MOB1B: variants seen among roughly 807,000 people sequenced by gnomAD.
The protein encoded by MOB1B is MOB1 Mps One Binder homolog B.
Under a neutral mutation model 24.4 loss-of-function variants are expected in MOB1B, and 19 were observed. The ratio of observed to expected loss-of-function variants is 0.78; its 90% CI spans 0.54 to 1.14. The LOEUF (loss-of-function observed/expected upper bound fraction) is 1.14. Among genes scored for constraint, MOB1B ranks in the 50% most tolerant of loss-of-function variants. The pLI is 0.00. For synonymous variants in MOB1B, 76 were observed against 82.1 expected, an observed-to-expected ratio of 0.93 and a Z score of 0.40; for missense variants, 243 against 259.6, an observed-to-expected ratio of 0.94 and a Z score of 0.44.
intron 1 of MOB1B, among the ~76,000 whole-genome samples, chr4:70,909,344 A>T (rs960326472): frequency 1.3e-5 from 2 of 151,980 alleles, no homozygotes; most frequent in Admixed American, 1.3e-4. Context: ...TTAATAATTT[A>T]TAAGAATAAT....
chr4:70,907,824 TA>T (rs942733743), intron 1 of MOB1B, among the ~76,000 whole-genome samples: 17 of 151,934 alleles, frequency 1.1e-4, no homozygotes, highest in Non-Finnish European at 2.2e-4. Context: ...AAAAATAATT[TA>T]AAAAGAGACT....
chr4:70,962,390 C>T (rs1738340853), intron 2 of MOB1B, among the ~76,000 whole-genome samples: 1 of 152,084 alleles, frequency 6.6e-6, no homozygotes. Context: ...GACCAGTGGT[C>T]CATATAAATA....
In MOB1B at chr4:70,981,144, A is replaced by G. The variant is rs28655796; in HGVS notation, c.574-836A>G. On this transcript the variant is annotated intron_variant, in intron 5 of 5. Transcript: ENST00000309395. ...AAATTTAGTAATTTAGTCATATGAT[A>G]TATACCCATTTGTGTTTTTGGCCCA... 3.3e-4 allele frequency among the ~76,000 whole-genome samples: 51 copies of G among 152,338 alleles called. 1 individual carries two copies. Among genetic ancestry groups the G allele is most frequent in the African/African-American group, 1.1e-3 (46 of 41,578 alleles).
chr4:70,936,381 C>T (rs1737085528), intron 1 of MOB1B, among the ~76,000 whole-genome samples: 1 of 152,134 alleles, frequency 6.6e-6, no homozygotes, highest in Non-Finnish European at 1.5e-5. Flanking sequence ...TGCAAATCCT[C>T]AAACCCAAAC....
chr4:70,954,117 A>T (rs1359206044), intron 1 of MOB1B, among the ~76,000 whole-genome samples: 1 of 152,192 alleles, frequency 6.6e-6, no homozygotes, highest in South Asian at 2.1e-4. Context: ...GATGTGTGAC[A>T]GTTATTTCTT....
intron 2 of MOB1B, among the ~76,000 whole-genome samples, chr4:70,965,224 G>A (rs1738465633): frequency 6.8e-6 from 1 of 146,236 alleles, no homozygotes; most frequent in Non-Finnish European, 1.5e-5. Context: ...TTGAACCTGG[G>A]AGGCAGAGGT....
intron 1 of MOB1B, among the ~76,000 whole-genome samples, chr4:70,904,130 G>A (rs1384277824): frequency 1.3e-5 from 2 of 151,240 alleles, no homozygotes; most frequent in South Asian, 2.1e-4. Context: ...CTACAGGCCC[G>A]CGCCACCACG....
intron 1 of MOB1B, among the ~76,000 whole-genome samples, chr4:70,910,187 T>C (rs139298879): frequency 1.1e-3 from 168 of 151,604 alleles, no homozygotes; most frequent in African/African-American, 4.0e-3. Flanking sequence ...ACTACAGGCG[T>C]GTGCCACCAT....
intron 1 of MOB1B, among the ~76,000 whole-genome samples, chr4:70,917,904 C>G (rs948200391): frequency 4.0e-5 from 6 of 151,706 alleles, no homozygotes; most frequent in African/African-American, 1.5e-4. Context: ...GAAAATTGGA[C>G]AAAGTATTTT....
chr4:70,953,491 GAAGAGA>G (rs1356534777), intron 1 of MOB1B, among the ~76,000 whole-genome samples: 1 of 152,176 alleles, frequency 6.6e-6, no homozygotes, highest in African/African-American at 2.4e-5. Context: ...GAGGAACGGA[GAAGAGA>G]GTCAAGAGGC....
intron 1 of MOB1B, among the ~76,000 whole-genome samples, chr4:70,952,974 GC>G (rs1655024809): frequency 8.4e-6 from 1 of 119,030 alleles, no homozygotes; most frequent in Admixed American, 1.2e-4. Flanking sequence ...TTGGAGTCTC[GC>G]CCTGTCGCCC....
rs1050413435 is a variant in MOB1B, at chr4:70,987,886, C to T, written c.*5829C>T. The T allele has an allele frequency of 2.6e-5, 4 of 152,578 alleles. No individual in the cohort carries two copies. Among genetic ancestry groups the T allele is most frequent in the Non-Finnish European group, 4.4e-5 (3 of 68,002 alleles). The allele number at this position is 152,578 out of a possible 1,614,324, so 9.5% of individuals were successfully genotyped here. On this transcript the variant is annotated 3_prime_UTR_variant, in exon 6 of 6. Coordinates refer to ENST00000309395, the MANE Select transcript of MOB1B (RefSeq NM_173468.4). Reference sequence around the variant, plus strand: ...AAGTAACTAGAAGGGGAAAAATCATCTAAGTTATGAAATCCAACATAGGCG... The same window carrying T: ...AAGTAACTAGAAGGGGAAAAATCATTTAAGTTATGAAATCCAACATAGGCG...
Position 70,902,534 on chromosome 4 carries a change from A to G in MOB1B, c.-3A>G, listed in dbSNP as rs748591095. The G allele has an allele frequency of 1.9e-6, 3 of 1,565,436 alleles. No homozygotes were observed. The highest frequency in any genetic ancestry group is 2.6e-6 in the Non-Finnish European group (3 of 1,155,780). On this transcript the variant is annotated 5_prime_UTR_variant, in exon 1 of 6. Transcript: ENST00000309395. ...CGAGCCTGCAGCCTGCCCCGCGGCCAACATGAGCTTCTTGTTGTGAGTAGC... is the reference window on the plus strand; with the variant it reads ...CGAGCCTGCAGCCTGCCCCGCGGCCGACATGAGCTTCTTGTTGTGAGTAGC...
chr4:70,916,661 G>C, intron 1 of MOB1B, among the ~76,000 whole-genome samples: 1 of 152,136 alleles, frequency 6.6e-6, no homozygotes, highest in South Asian at 2.1e-4. Flanking sequence ...TCTGCCTCCC[G>C]GGTTCAAGCA....
At chr4:70,922,737 C>G (rs757876104) in intron 1 of MOB1B, among the ~76,000 whole-genome samples, 1 of 152,184 alleles carries the variant, frequency 6.6e-6, no homozygotes, top group African/African-American at 2.4e-5. Context: ...AGTTATACTT[C>G]TAAGTCACGT....
At chr4:70,924,785 C>T (rs968425614) in intron 1 of MOB1B, among the ~76,000 whole-genome samples, 1 of 152,166 alleles carries the variant, frequency 6.6e-6, no homozygotes, top group Admixed American at 6.5e-5. Flanking sequence ...ATGATGTCTT[C>T]CAGCTTCATC....
At chr4:70,966,478 G>C (rs1302148252) in intron 2 of MOB1B, among the ~76,000 whole-genome samples, 2 of 151,772 alleles carry the variant, frequency 1.3e-5, no homozygotes, top group South Asian at 2.1e-4. Flanking sequence ...AGGTTCAAGC[G>C]GTTCTCTTGC....
At chr4:70,902,342 T>G, upstream of MOB1B, 1 of 672,872 alleles carries the variant, frequency 1.5e-6, no homozygotes. Context: ...AGACGAGCGC[T>G]ACCCACTTCC....
At chr4:70,976,696 A>G (rs1158283175) in intron 4 of MOB1B, 2 of 933,516 alleles carry the variant, frequency 2.1e-6, no homozygotes, top group Non-Finnish European at 2.6e-6. Flanking sequence ...TATTTATTGA[A>G]TGCATTAACC....
Sources: allele counts gnomAD v4.1 joint callset (sites outside exome capture counted in the v4.1 genomes callset), GRCh38; gene constraint gnomAD v4.1.1; transcripts MANE v1.5; gene names NCBI Gene and HGNC (gene_info 2026-07-23, HGNC 2026-07-21).